PACRG: variants seen among roughly 807,000 people sequenced by gnomAD.
PACRG encodes the protein parkin coregulated, also known as parkin coregulated gene protein.
PACRG carries 29 observed loss-of-function variants against 29.7 expected under a neutral mutation model. The ratio of observed to expected loss-of-function variants is 0.98; its 90% CI spans 0.73 to 1.33. The LOEUF (loss-of-function observed/expected upper bound fraction) is 1.33. PACRG is among the 40% of genes most tolerant of loss of function. The pLI is 0.00. For missense variants in PACRG, 279 were observed against 316.2 expected, an observed-to-expected ratio of 0.88 and a Z score of 0.89; for synonymous variants, 116 against 118.7, an observed-to-expected ratio of 0.98 and a Z score of 0.15.
intron 1 of PACRG, among the ~76,000 whole-genome samples, chr6:162,741,071 A>G (rs1439007989): frequency 2.0e-5 from 3 of 152,124 alleles, no homozygotes; most frequent in Admixed American, 1.3e-4. Context: ...AATTATCCTT[A>G]TATTCTTTTA....
In PACRG at chr6:163,042,958, A is replaced by G. The variant is rs148052246; in HGVS notation, c.292-19192A>G. The G allele has an allele frequency of 1.6e-3, 248 of 152,342 alleles. 1 individual carries two copies. Among genetic ancestry groups the G allele is most frequent in the African/African-American group, 5.6e-3 (233 of 41,578 alleles). 9.4% of individuals were successfully genotyped at this position (152,342 alleles called of 1,614,324 possible). ...TTTAGAAGTACATTATTGTAATACA[A>G]AAGAAGTTTCCAGTCTTTTATGTTC... is the stretch of plus-strand genomic sequence containing the variant. On this transcript the variant is annotated intron_variant, in intron 2 of 4. Transcript: ENST00000366888.
chr6:162,962,245 C>T (rs1800685178), intron 2 of PACRG, among the ~76,000 whole-genome samples: 2 of 152,130 alleles, frequency 1.3e-5, no homozygotes, highest in African/African-American at 4.8e-5. Context: ...CTTTACCAGG[C>T]TCTAAGCCCC....
intron 2 of PACRG, among the ~76,000 whole-genome samples, chr6:162,953,560 G>A (rs1185069621): frequency 2.0e-5 from 3 of 152,086 alleles, no homozygotes; most frequent in Non-Finnish European, 4.4e-5. Flanking sequence ...GGGTTCACAT[G>A]ACCTTGAGAT....
At chr6:162,835,484 G>T (rs917308672) in intron 2 of PACRG, among the ~76,000 whole-genome samples, 3 of 152,078 alleles carry the variant, frequency 2.0e-5, no homozygotes, top group Admixed American at 6.6e-5. Flanking sequence ...TCAAGTATAA[G>T]AAGATAAATC....
intron 1 of PACRG, among the ~76,000 whole-genome samples, chr6:162,729,566 T>C (rs1779585448): frequency 6.6e-6 from 1 of 152,152 alleles, no homozygotes; most frequent in South Asian, 2.1e-4. Context: ...TAACTAATTC[T>C]TTTTCATGGA....
intron 4 of PACRG, among the ~76,000 whole-genome samples, chr6:163,296,880 C>G (rs1030194100): frequency 1.3e-5 from 2 of 152,118 alleles, no homozygotes; most frequent in Non-Finnish European, 2.9e-5. Context: ...ATAATGTTAT[C>G]TCTTCTAACA....
intron 4 of PACRG, among the ~76,000 whole-genome samples, chr6:163,305,760 C>G (rs1785175760): frequency 6.6e-6 from 1 of 152,126 alleles, no homozygotes; most frequent in Non-Finnish European, 1.5e-5. Context: ...GTGTAATAGT[C>G]TATGTCATAA....
At chr6:162,838,788 T>C (rs1028943402) in intron 2 of PACRG, among the ~76,000 whole-genome samples, 12 of 129,218 alleles carry the variant, frequency 9.3e-5, no homozygotes, top group Admixed American at 3.8e-4. Context: ...TTCCCCTTCC[T>C]GTGTCCATGT....
At chr6:162,814,775 G>A (rs1261544245) in intron 2 of PACRG, among the ~76,000 whole-genome samples, 1 of 152,032 alleles carries the variant, frequency 6.6e-6, no homozygotes, top group South Asian at 2.1e-4. Context: ...CTCCGTCCCC[G>A]CCTGTGTCAG....
intron 2 of PACRG, among the ~76,000 whole-genome samples, chr6:162,977,913 G>A (rs112264440): frequency 0.07 from 10,690 of 152,052 alleles, 997 homozygotes; most frequent in African/African-American, 0.21. Flanking sequence ...GGAGGCCGAG[G>A]GAGGCAGATC....
intron 1 of PACRG, among the ~76,000 whole-genome samples, chr6:162,804,306 C>T (rs1005810169): frequency 1.3e-5 from 2 of 152,224 alleles, no homozygotes; most frequent in South Asian, 4.1e-4. Flanking sequence ...TGTAGCTCTC[C>T]TCATCCAATC....
At chr6:163,191,747 A>T (rs1299077134) in intron 4 of PACRG, 1 of 456,272 alleles carries the variant, frequency 2.2e-6, no homozygotes, top group Non-Finnish European at 4.4e-6. Flanking sequence ...ACTCAGAGCC[A>T]TGACGTCCCT....
rs537433057 is a variant in PACRG, at chr6:162,891,311, G to A, written c.291+77030G>A. ...CAAGTGATCTTGAGAAGGGGAAGTT[G>A]AGGCACTAAGTAGAAGGAAAACCCT... On this transcript the variant is annotated intron_variant, in intron 2 of 4. Transcript: ENST00000366888. Among the ~76,000 whole-genome samples, 5 of 152,300 alleles carry A rather than the reference G, an allele frequency of 3.3e-5. No homozygotes were observed. In the East Asian group the frequency reaches 9.7e-4, roughly 29 times the overall value.
chr6:162,905,724 A>G (rs1352151089), intron 2 of PACRG, among the ~76,000 whole-genome samples: 1 of 152,104 alleles, frequency 6.6e-6, no homozygotes, highest in Non-Finnish European at 1.5e-5. Flanking sequence ...TTAGCTTCCA[A>G]TTAATGTTGA....
chr6:162,942,237 A>G (rs1365282440), intron 2 of PACRG, among the ~76,000 whole-genome samples: 1 of 152,236 alleles, frequency 6.6e-6, no homozygotes, highest in Non-Finnish European at 1.5e-5. Flanking sequence ...TTCTCTCCAC[A>G]TACTGAATAA....
chr6:162,967,680 T>C (rs1355627815), intron 2 of PACRG, among the ~76,000 whole-genome samples: 1 of 152,098 alleles, frequency 6.6e-6, no homozygotes, highest in African/African-American at 2.4e-5. Context: ...CTAATTTTTT[T>C]GTATTTTTTG....
chr6:162,928,088 A>G (rs1401251095), intron 2 of PACRG, among the ~76,000 whole-genome samples: 2 of 152,020 alleles, frequency 1.3e-5, no homozygotes, highest in African/African-American at 4.8e-5. Context: ...CAGAATTGAG[A>G]AAAATCTGTG....
chr6:163,131,544 G>A (rs1427147621), intron 4 of PACRG, among the ~76,000 whole-genome samples: 1 of 152,162 alleles, frequency 6.6e-6, no homozygotes. Context: ...GGGTGGCCCT[G>A]TTGAGCCCTT....
intron 2 of PACRG, among the ~76,000 whole-genome samples, chr6:163,034,109 G>T (rs1475801507): frequency 6.6e-6 from 1 of 152,122 alleles, no homozygotes; most frequent in East Asian, 1.9e-4. Context: ...CCTGCAGCAG[G>T]GTGGGAAGGC....
Sources: gnomAD v4.1 joint callset for allele counts (sites outside exome capture counted in the v4.1 genomes callset) on GRCh38, gnomAD v4.1.1 for gene constraint, MANE v1.5 for transcripts, NCBI Gene and HGNC (gene_info 2026-07-23, HGNC 2026-07-21) for gene names.